DNAH17: variants seen among roughly 807,000 people sequenced by gnomAD.
DNAH17 encodes axonemal beta dynein heavy chain 17.
DNAH17 carries 376 observed loss-of-function variants against 485.6 expected under a neutral mutation model. That is an observed-to-expected ratio of 0.77 (90% CI 0.71 to 0.84). DNAH17 has a LOEUF of 0.84. Ranked by LOEUF, DNAH17 falls within the 40% of genes least tolerant of loss-of-function variation. The pLI, the probability that DNAH17 is intolerant of heterozygous loss-of-function variation, is 0.00. For missense variants in DNAH17, 6,370 were observed against 5,839.3 expected (o/e 1.09, Z -2.96); for synonymous variants, 3,031 against 2,405.9 (o/e 1.26, Z -7.60).
At chr17:78,483,633 A>AAATAATAATAATAAT (rs536576212) in intron 48 of DNAH17, among the ~76,000 whole-genome samples, 2 of 65,486 alleles carry the variant, frequency 3.1e-5, no homozygotes, top group Middle Eastern at 7.4e-3. Context: ...TCTGTCTTGG[A>AAATAATAATAATAAT]AATAATAATA....
chr17:78,468,703 G>C lies in DNAH17; in HGVS notation c.8692C>G (p.Arg2898Gly). The change falls in exon 55 of 81, where the codon CGA becomes GGA. Residue 2898 changes from arginine (R) to glycine (G), a missense_variant. Transcript: ENST00000389840. The part of the protein sequence containing the change: ...DEVENIISSM[R>G]PQVKSLGMND... ...ATGCCAAGGGACTTGACTTGGGGTC[G>C]CATGGAGGAGATGATGTTCTCCACC... 4 of 1,613,988 alleles carry C rather than the reference G, an allele frequency of 2.5e-6. No individual in the cohort carries two copies. Among genetic ancestry groups the C allele is most frequent in the Non-Finnish European group, 3.4e-6 (4 of 1,179,884 alleles).
chr17:78,531,371 G>A (rs904340652), intron 20 of DNAH17, among the ~76,000 whole-genome samples: 85 of 117,638 alleles, frequency 7.2e-4, no homozygotes, highest in African/African-American at 2.9e-3. Context: ...ATGGAGTCTT[G>A]CTCTGTCACC....
chr17:78,550,880 GC>G (rs1435572352), intron 16 of DNAH17, among the ~76,000 whole-genome samples: 1 of 152,154 alleles, frequency 6.6e-6, no homozygotes, highest in African/African-American at 2.4e-5. Flanking sequence ...CTATCAATGA[GC>G]CCTTTCTGAG....
intron 19 of DNAH17, among the ~76,000 whole-genome samples, chr17:78,533,741 G>A (rs543697219): frequency 6.6e-6 from 1 of 152,290 alleles, no homozygotes; most frequent in African/African-American, 2.4e-5. Flanking sequence ...CCGGAGTGCA[G>A]TGGCCCGATC....
intron 43 of DNAH17, 149 bp from the exon 44 acceptor site, chr17:78,490,996 C>T: frequency 2.9e-6 from 3 of 1,036,016 alleles, no homozygotes; most frequent in Non-Finnish European, 4.1e-6. Flanking sequence ...GCCCTAGTCC[C>T]TTGGCCCAGG....
At chr17:78,539,668 TAGAA>T in intron 18 of DNAH17, 65 bp downstream of exon 18, 1 of 1,315,746 alleles carries the variant, frequency 7.6e-7, no homozygotes, top group East Asian at 2.7e-5. Flanking sequence ...ATCAAGAAAC[TAGAA>T]ACTATAGATT....
chr17:78,475,268 A>T lies in DNAH17; in HGVS notation c.8511+10T>A, dbSNP rs752760558. On this transcript the variant is annotated intron_variant, in intron 54 of 80. Coordinates refer to ENST00000389840, the MANE Select transcript of DNAH17 (RefSeq NM_173628.4). Reference sequence around the variant, plus strand: ...CCTGAAAGGCAGCCTATTGAACAGTAAGCTCTCACCTTGAGGTCGGGGATC... The same window carrying T: ...CCTGAAAGGCAGCCTATTGAACAGTTAGCTCTCACCTTGAGGTCGGGGATC... 1.2e-6 allele frequency: 2 copies of T among 1,613,754 alleles called. No individual in the cohort carries two copies. Among genetic ancestry groups the T allele is most frequent in the South Asian group, 1.1e-5 (1 of 91,054 alleles).
At chr17:78,541,359 T>A (rs1320634803) in intron 17 of DNAH17, among the ~76,000 whole-genome samples, 1 of 138,958 alleles carries the variant, frequency 7.2e-6, no homozygotes, top group Non-Finnish European at 1.6e-5. Flanking sequence ...CAGATGAATG[T>A]GGTGGGTAGA....
chr17:78,507,560 T>G lies in DNAH17; in HGVS notation c.4482A>C (p.Arg1494=), dbSNP rs776000705. The change falls in exon 28 of 81, where the codon CGA becomes CGC. Residue 1494 remains arginine (R), a synonymous_variant. Transcript: ENST00000389840. ...SVISIWFEVQ[R]TWSHLESIFI... is the part of the protein sequence containing the mutation. ...AGATGCTCTCCAGGTGGCTCCAGGT[T>G]CGCTGGACCTCAAACCAGATGGAGA... The G allele has an allele frequency of 6.2e-7, 1 of 1,613,926 alleles. No homozygotes were observed. Among genetic ancestry groups the G allele is most frequent in the Admixed American group, 1.7e-5 (1 of 60,002 alleles).
At chr17:78,473,311 G>A (rs557750454) in intron 54 of DNAH17, among the ~76,000 whole-genome samples, 1 of 152,274 alleles carries the variant, frequency 6.6e-6, no homozygotes, top group Admixed American at 6.5e-5. Flanking sequence ...CTGGGAGGCT[G>A]AGGCGGGCAG....
rs1417143776 is a variant in DNAH17, at chr17:78,449,860, C to G, written c.11041-276G>C. 8 of 442,916 alleles carry G rather than the reference C, an allele frequency of 1.8e-5. 1 individual carries two copies. Among genetic ancestry groups the G allele is most frequent in the East Asian group, 1.6e-4 (4 of 24,778 alleles). 27.4% of individuals were successfully genotyped at this position (442,916 alleles called of 1,614,324 possible). On this transcript the variant is annotated intron_variant, in intron 68 of 80. Coordinates refer to ENST00000389840, the MANE Select transcript of DNAH17 (RefSeq NM_173628.4). ...GGCTAATTTTTTTTTATTTTTAGTA[C>G]AGACAGGGTTTCACCATGTTGGTCA... is the stretch of plus-strand genomic sequence containing the variant.
At position 78,453,417 on chromosome 17, in the gene DNAH17, G is replaced by A; in HGVS notation, c.10455C>T (p.Leu3485=). The A allele has an allele frequency of 5.0e-6, 8 of 1,613,946 alleles. No individual in the cohort carries two copies. In the South Asian group the frequency reaches 5.5e-5, roughly 11 times the overall value. ...EQAISEGDTL[L]IENIGETVDP... ...CCACGGTTTCGCCGATGTTCTCAAT[G>A]AGCAAGGTGTCCCCTTCCGAGATGG... Residue 3485 remains leucine, a synonymous_variant, in exon 65 of 81, where the codon CTC becomes CTT. Transcript: ENST00000389840.
chr17:78,557,597 C>G (rs2092052591), intron 14 of DNAH17, among the ~76,000 whole-genome samples: 1 of 139,042 alleles, frequency 7.2e-6, no homozygotes, highest in African/African-American at 2.8e-5. Context: ...CTAGATTGTG[C>G]CACTGCACTC....
chr17:78,460,079 G>C (rs961300070), intron 59 of DNAH17, 78 bp from the exon 60 acceptor site: 3 of 1,589,952 alleles, frequency 1.9e-6, no homozygotes, highest in Non-Finnish European at 2.6e-6. Context: ...GCCGCCATGA[G>C]TGTGTCACCA....
At chr17:78,532,414 C>A (rs1235967564) in intron 20 of DNAH17, 68 bp downstream of exon 20, 3 of 1,514,436 alleles carry the variant, frequency 2.0e-6, no homozygotes, top group African/African-American at 2.8e-5. Flanking sequence ...AGTTTTAAAG[C>A]AAGCCTGGTG....
intron 22 of DNAH17, 43 bp downstream of exon 22, chr17:78,529,429 C>T (rs758857911): frequency 5.6e-6 from 9 of 1,601,620 alleles, no homozygotes; most frequent in Admixed American, 5.0e-5. Flanking sequence ...CGGGATGGCT[C>T]TCCCTGCTCA....
chr17:78,574,600 G>A (rs1568279137), intron 2 of DNAH17, 113 bp downstream of exon 2: 18 of 914,852 alleles, frequency 2.0e-5, no homozygotes, highest in East Asian at 1.0e-4. Flanking sequence ...ATCCCTCCCC[G>A]GCTCTGCAGC....
At chr17:78,492,517 G>A in intron 42 of DNAH17, 116 bp downstream of exon 42, 2 of 1,441,722 alleles carry the variant, frequency 1.4e-6, no homozygotes, top group Non-Finnish European at 9.4e-7. Context: ...CCACGTGCCT[G>A]TGTGCCCCAC....
rs531197276 is a variant in DNAH17, at chr17:78,466,263, A to G, written c.8940+392T>C. Among the ~76,000 whole-genome samples, 5 of 152,176 alleles carry G rather than the reference A, an allele frequency of 3.3e-5. No homozygotes were observed. In the East Asian group the frequency reaches 7.7e-4, roughly 24 times the overall value. ...TCGTTAAGAGTCATCACCACTCCCTAATCTCAAGTACCCAGGGACACAAAC... is the reference window on the plus strand; with the variant it reads ...TCGTTAAGAGTCATCACCACTCCCTGATCTCAAGTACCCAGGGACACAAAC... On this transcript the variant is annotated intron_variant, in intron 56 of 80. Coordinates refer to ENST00000389840, the MANE Select transcript of DNAH17 (RefSeq NM_173628.4).
Sources: gnomAD v4.1 joint callset for allele counts (sites outside exome capture counted in the v4.1 genomes callset) on GRCh38, gnomAD v4.1.1 for gene constraint, MANE v1.5 for transcripts, NCBI Gene and HGNC (gene_info 2026-07-23, HGNC 2026-07-21) for gene names.